The following ADCY9 variants were observed in gnomAD, a reference collection of about 807,000 sequenced individuals.
ADCY9 encodes adenylate cyclase type 9.
Under a neutral mutation model 101.5 loss-of-function variants are expected in ADCY9, and 50 were observed. That is an observed-to-expected ratio of 0.49 (90% CI 0.39 to 0.62). The LOEUF is 0.62. ADCY9 is among the 20% of genes least tolerant of loss of function. The pLI, the probability that ADCY9 is intolerant of heterozygous loss-of-function variation, is 0.00. For synonymous variants in ADCY9, 905 were observed against 769.3 expected, an observed-to-expected ratio of 1.18 and a Z score of -2.92; for missense variants, 1,662 against 1,800.4, an observed-to-expected ratio of 0.92 and a Z score of 1.39.
In ADCY9 at chr16:3,965,916, G is replaced by A; in HGVS notation, c.3921C>T (p.Ser1307=). The A allele has an allele frequency of 6.2e-7, 1 of 1,614,170 alleles. No homozygotes were observed. Among genetic ancestry groups the A allele is most frequent in the Non-Finnish European group, 8.5e-7 (1 of 1,180,034 alleles). Residue 1307 remains serine, a synonymous_variant, in exon 11 of 11, where the codon TCC becomes TCT. Transcript: ENST00000294016. ...CGGGCTCCTTCCACGGTCTCTTGGG[G>A]GACAGGTGGGCATCCTTGGCCTGCG... ...SSTQAKDAHL[S]PKRPWKEPVK...
intron 2 of ADCY9, among the ~76,000 whole-genome samples, chr16:4,092,013 A>G (rs1362140182): frequency 6.6e-6 from 1 of 152,248 alleles, no homozygotes; most frequent in Non-Finnish European, 1.5e-5. Context: ...TCACGCCTGT[A>G]ATCCCAGCAC....
In ADCY9 at chr16:4,114,693, C is replaced by T; in HGVS notation, c.750G>A (p.Val250=). 6.2e-7 allele frequency: 1 copy of T among 1,613,160 alleles called. No homozygotes were observed. Residue 250 remains valine, a synonymous_variant, in exon 2 of 11, where the codon GTG becomes GTA. Coordinates refer to ENST00000294016, the MANE Select transcript of ADCY9 (RefSeq NM_001116.4). The surrounding 1 kb of genome is among the most constrained non-coding windows in gnomAD (Gnocchi z 4.3). Reference sequence around the variant, plus strand: ...AGGTCTCGAAAAGGACAGAGTAGGCCACCCCCAGACACAAACTCAGGTACA... The same window carrying T: ...AGGTCTCGAAAAGGACAGAGTAGGCTACCCCCAGACACAAACTCAGGTACA... ...LPLYLSLCLG[V]AYSVLFETFG...
At chr16:4,019,155 AT>A (rs919658599) in intron 2 of ADCY9, among the ~76,000 whole-genome samples, 4 of 151,436 alleles carry the variant, frequency 2.6e-5, no homozygotes, top group Non-Finnish European at 4.4e-5. Context: ...TTAAAAAAAA[AT>A]TTTTTTTTAA....
At chr16:3,975,483 G>A (rs923517851) in intron 9 of ADCY9, among the ~76,000 whole-genome samples, 2 of 152,092 alleles carry the variant, frequency 1.3e-5, no homozygotes, top group African/African-American at 4.8e-5. Context: ...AAGACACCCC[G>A]TGCCTACTCC....
chr16:3,983,162 C>T (rs2056158891), intron 7 of ADCY9, 70 bp downstream of exon 7: 2 of 1,415,238 alleles, frequency 1.4e-6, no homozygotes, highest in Non-Finnish European at 1.9e-6. Context: ...AACCGCTCAG[C>T]CATAAGCCAT....
In ADCY9 at chr16:3,963,842, G is replaced by GA. The variant is rs78932329; in HGVS notation, c.*1932dup. 69 of 148,656 alleles carry GA rather than the reference G, an allele frequency of 4.6e-4. No homozygotes were observed. The highest frequency in any genetic ancestry group is 5.4e-4 in the Admixed American group (8 of 14,878). 9.2% of individuals were successfully genotyped at this position (148,656 alleles called of 1,614,324 possible). ...AAAGCATCAGGTAGTGTTTTTTAAG[G>GA]AAAAAAAAAAATCTGCGGTGTTTTA... On this transcript the variant is annotated 3_prime_UTR_variant, in exon 11 of 11. Coordinates refer to ENST00000294016, the MANE Select transcript of ADCY9 (RefSeq NM_001116.4).
At chr16:3,958,639 G>A (rs1039409532), downstream of ADCY9, among the ~76,000 whole-genome samples, 12 of 148,380 alleles carry the variant, frequency 8.1e-5, no homozygotes, top group African/African-American at 2.5e-4. Context: ...CAGAAGTGGT[G>A]CAGTTGTTTT....
chr16:4,083,072 G>A (rs2056915675), intron 2 of ADCY9, among the ~76,000 whole-genome samples: 1 of 152,150 alleles, frequency 6.6e-6, no homozygotes, highest in Non-Finnish European at 1.5e-5. Flanking sequence ...AAGCACCTGG[G>A]GTCCTGGAAA....
chr16:3,977,432 G>A, intron 9 of ADCY9, 50 bp downstream of exon 9: 1 of 1,532,636 alleles, frequency 6.5e-7, no homozygotes, highest in Non-Finnish European at 8.8e-7. Context: ...CGCAACCTCG[G>A]GCAAGGTGGC....
intron 2 of ADCY9, among the ~76,000 whole-genome samples, chr16:4,015,898 G>T (rs2056435382): frequency 6.6e-6 from 1 of 151,922 alleles, no homozygotes; most frequent in African/African-American, 2.4e-5. Context: ...AACCCGGGAG[G>T]CAGAGGTTGC....
chr16:4,000,968 T>TACACACACACACACACACACACAC (rs141254290), intron 3 of ADCY9, among the ~76,000 whole-genome samples: 67 of 125,322 alleles, frequency 5.3e-4, no homozygotes, highest in East Asian at 1.7e-3. Context: ...TCCCTCTCTC[T>TACACACACACACACACACACACAC]ACACACACAC....
In ADCY9 at chr16:3,965,675, C is replaced by T. The variant is rs975905315; in HGVS notation, c.*100G>A. 58 of 1,099,902 alleles carry T rather than the reference C, an allele frequency of 5.3e-5. No homozygotes were observed. Among genetic ancestry groups the T allele is most frequent in the Admixed American group, 1.2e-4 (5 of 43,360 alleles). The allele number at this position is 1,099,902 out of a possible 1,614,324, so 68.1% of individuals were successfully genotyped here. A position where few individuals can be genotyped will look rare whatever the true frequency, so the allele number is the denominator to read the frequency against. On this transcript the variant is annotated 3_prime_UTR_variant, in exon 11 of 11. Transcript: ENST00000294016. ...TGAAATGACCACATAACACCACGTC[C>T]GGGGAGGGCAACTGTGGCGCTTGGA...
chr16:3,969,569 AATATAT>A (rs57260468), intron 10 of ADCY9, among the ~76,000 whole-genome samples: 477 of 45,214 alleles, frequency 0.011, 22 homozygotes, highest in African/African-American at 0.015. Context: ...GTTTGTTTGA[AATATAT>A]ATATATATAT....
At position 4,070,243 on chromosome 16, in the gene ADCY9, G is replaced by A. The variant is rs189023730; in HGVS notation, c.1693+43507C>T. Among the ~76,000 whole-genome samples the A allele has an allele frequency of 6.0e-5, 8 of 134,040 alleles. No individual in the cohort carries two copies. The East Asian group carries it at 9.2e-4, about 15-fold the overall frequency. 87.9% of individuals were successfully genotyped at this position (134,040 alleles called of 152,430 possible). A position where few individuals can be genotyped will look rare whatever the true frequency, so the allele number is the denominator to read the frequency against. On this transcript the variant is annotated intron_variant, in intron 2 of 10. Coordinates refer to ENST00000294016, the MANE Select transcript of ADCY9 (RefSeq NM_001116.4). ...TGTTGTATAGAAAATAAGCTTTATC[G>A]TTATAATTTTCACGCATATATTTTT...
At chr16:4,003,825 G>A (rs544772135) in intron 3 of ADCY9, among the ~76,000 whole-genome samples, 51 of 152,204 alleles carry the variant, frequency 3.4e-4, no homozygotes, top group Non-Finnish European at 6.2e-4. Context: ...CCGCGACGCT[G>A]ACAGTGGCGT....
intron 2 of ADCY9, among the ~76,000 whole-genome samples, chr16:4,009,725 C>G (rs1567435851): frequency 6.6e-6 from 1 of 152,200 alleles, no homozygotes; most frequent in Non-Finnish European, 1.5e-5. Flanking sequence ...CATCTTTATA[C>G]TAATTTCTCG....
chr16:4,111,274 T>A (rs752256454), intron 2 of ADCY9, among the ~76,000 whole-genome samples: 1 of 151,174 alleles, frequency 6.6e-6, no homozygotes. Context: ...AGTATTGGGG[T>A]TTTTTTTGTT....
chr16:4,088,317 G>T (rs762032198), intron 2 of ADCY9, among the ~76,000 whole-genome samples: 8 of 151,420 alleles, frequency 5.3e-5, no homozygotes, highest in Non-Finnish European at 8.8e-5. Flanking sequence ...TTTTAGATAG[G>T]GTCTTGCTGT....
intron 2 of ADCY9, among the ~76,000 whole-genome samples, chr16:4,083,349 C>T (rs2056917519): frequency 6.6e-6 from 1 of 152,078 alleles, no homozygotes; most frequent in South Asian, 2.1e-4. Context: ...ATAAAAAAGA[C>T]GAACAGCAGC....
Sources: gnomAD v4.1 joint callset for allele counts (sites outside exome capture counted in the v4.1 genomes callset) on GRCh38, gnomAD v4.1.1 for gene constraint, Gnocchi (gnomAD v3.1) non-coding constraint, MANE v1.5 for transcripts, NCBI Gene and HGNC (gene_info 2026-07-23, HGNC 2026-07-21) for gene names.